The following MRTFB variants were observed in gnomAD, a reference collection of about 807,000 sequenced individuals.
The protein encoded by MRTFB is myocardin related transcription factor B.
In MRTFB, 29 loss-of-function variants were observed where a neutral mutation model predicts 104.2. The observed-to-expected ratio is 0.28, with a 90% confidence interval of 0.21 to 0.38. The LOEUF is 0.38. Among genes scored for constraint, MRTFB ranks in the 10% least tolerant of loss-of-function variants. MRTFB has a pLI of 1.00. For synonymous variants in MRTFB, 535 were observed against 519.5 expected (o/e 1.03, Z -0.41); for missense variants, 1,270 against 1,341.6 (o/e 0.95, Z 0.83).
intron 2 of MRTFB, among the ~76,000 whole-genome samples, chr16:14,130,508 A>G (rs980073466): frequency 2.0e-5 from 3 of 152,218 alleles, no homozygotes; most frequent in Non-Finnish European, 4.4e-5. Flanking sequence ...CTCCATAAAA[A>G]GAAAATTTAT....
At chr16:14,191,368 C>T (rs1484470017) in intron 3 of MRTFB, among the ~76,000 whole-genome samples, 1 of 152,180 alleles carries the variant, frequency 6.6e-6, no homozygotes, top group Non-Finnish European at 1.5e-5. Context: ...CTCTTACAAC[C>T]CAATTCCTGT....
chr16:14,069,393 G>T (rs1344995332), upstream of MRTFB, among the ~76,000 whole-genome samples: 1 of 152,252 alleles, frequency 6.6e-6, no homozygotes, highest in Admixed American at 6.5e-5. Flanking sequence ...CTGCGACTGA[G>T]CTATGTCACC....
At chr16:14,138,564 C>A (rs944340696) in intron 2 of MRTFB, among the ~76,000 whole-genome samples, 3 of 152,110 alleles carry the variant, frequency 2.0e-5, no homozygotes, top group Non-Finnish European at 2.9e-5. Context: ...GTTTGCTGAA[C>A]TCTTGCAAGC....
At chr16:14,070,665 C>T (rs1328245720), upstream of MRTFB, among the ~76,000 whole-genome samples, 1 of 152,260 alleles carries the variant, frequency 6.6e-6, no homozygotes, top group Non-Finnish European at 1.5e-5. Context: ...CCAGGAGCTC[C>T]TCCTCTCACC....
At chr16:14,127,915 ATATATATATATATATTTTTTTT>A (rs2037211219) in intron 2 of MRTFB, among the ~76,000 whole-genome samples, 1 of 48,906 alleles carries the variant, frequency 2.0e-5, no homozygotes, top group African/African-American at 1.0e-4. Context: ...ATATATATAT[ATATATATATATATATTTTTTTT>A]TTTTTTTTTT....
intron 3 of MRTFB, among the ~76,000 whole-genome samples, chr16:14,167,554 T>C (rs2039286413): frequency 6.6e-6 from 1 of 152,230 alleles, no homozygotes; most frequent in Admixed American, 6.5e-5. Flanking sequence ...TTGCTTTTGA[T>C]GTTTTCATTA....
rs1337201598 is a variant in MRTFB at position 14,252,284 on chromosome 16, G to A, written c.2566-81G>A. 21 of 1,552,504 alleles carry A rather than the reference G, an allele frequency of 1.4e-5. No individual in the cohort carries two copies. The East Asian group carries it at 3.6e-4, about 27-fold the overall frequency. On this transcript the variant is annotated intron_variant, in intron 14 of 16. Transcript: ENST00000571589. Reference sequence around the variant, plus strand: ...TTCCCTGATTTGGCCACTACATAGAGAACAGCAGAGCCGAGTCTAGCCAGG... The same window carrying A: ...TTCCCTGATTTGGCCACTACATAGAAAACAGCAGAGCCGAGTCTAGCCAGG...
At chr16:14,247,647 G>A in intron 12 of MRTFB, 140 bp downstream of exon 12, 1 of 714,988 alleles carries the variant, frequency 1.4e-6, no homozygotes, top group Non-Finnish European at 2.3e-6. Flanking sequence ...ATGTGTGAGA[G>A]GGTTATTCAG....
At chr16:14,219,539 ATGTTCT>A (rs2041591380) in intron 8 of MRTFB, among the ~76,000 whole-genome samples, 1 of 152,226 alleles carries the variant, frequency 6.6e-6, no homozygotes. Context: ...TCAGCAGAAA[ATGTTCT>A]TGATAAGCCT....
chr16:14,122,364 C>T (rs1225214865), intron 2 of MRTFB, among the ~76,000 whole-genome samples: 1 of 151,778 alleles, frequency 6.6e-6, no homozygotes, highest in East Asian at 1.9e-4. Flanking sequence ...ATACACGTGC[C>T]ATGGTGGTTT....
rs13333013 is a variant in MRTFB at position 14,173,258 on chromosome 16, G to C, written c.154+32498G>C. On this transcript the variant is annotated intron_variant, in intron 3 of 16. Transcript: ENST00000571589. ...TTGCCTTAGCTCCATTAAAACGCTTGTTGGTGTTTTTACTGGGATTGCACT... is the reference window on the plus strand; with the variant it reads ...TTGCCTTAGCTCCATTAAAACGCTTCTTGGTGTTTTTACTGGGATTGCACT... Among the ~76,000 whole-genome samples, 841 of 152,194 alleles carry C rather than the reference G, an allele frequency of 5.5e-3. 8 individuals are homozygous for C. Among genetic ancestry groups the C allele is most frequent in the African/African-American group, 0.018 (729 of 41,550 alleles).
At position 14,234,295 on chromosome 16, in the gene MRTFB, G is replaced by A. The variant is rs1364706725; in HGVS notation, c.831+12G>A. 3.1e-6 allele frequency: 5 copies of A among 1,612,928 alleles called. No homozygotes were observed. In the South Asian group the frequency reaches 3.3e-5, roughly 11 times the overall value. On this transcript the variant is annotated intron_variant, in intron 9 of 16. Transcript: ENST00000571589. Reference sequence around the variant, plus strand: ...CAGCACTGGTGAAGGTGGGTACTTTGGATACACCCTGGGTTTGGTGGCTTT... The same window carrying A: ...CAGCACTGGTGAAGGTGGGTACTTTAGATACACCCTGGGTTTGGTGGCTTT...
the MRTFB span, among the ~76,000 whole-genome samples, chr16:14,026,289 T>C: frequency 3.3e-5 from 5 of 152,146 alleles, no homozygotes; most frequent in East Asian, 9.7e-4. Context: ...GAATCCAGAA[T>C]CAAAAACACC....
the MRTFB span, among the ~76,000 whole-genome samples, chr16:14,041,151 G>A: frequency 6.6e-6 from 1 of 151,910 alleles, no homozygotes; most frequent in African/African-American, 2.4e-5. Context: ...GGAAGGAGTG[G>A]GGGGCGGGGA....
rs889134905 is a variant in MRTFB at position 14,264,840 on chromosome 16, A to G, written c.*3396A>G. On this transcript the variant is annotated 3_prime_UTR_variant, in exon 17 of 17. Transcript: ENST00000571589. Reference sequence around the variant, plus strand: ...GGGGCGCACTACCTATTTTGTCACCAGAGCTGACTCAGGCTTCCTGGACCC... The same window carrying G: ...GGGGCGCACTACCTATTTTGTCACCGGAGCTGACTCAGGCTTCCTGGACCC... 13 of 152,238 alleles carry G rather than the reference A, an allele frequency of 8.5e-5. No individual in the cohort carries two copies. Among genetic ancestry groups the G allele is most frequent in the African/African-American group, 3.1e-4 (13 of 41,434 alleles). The allele number at this position is 152,238 out of a possible 1,614,324, so 9.4% of individuals were successfully genotyped here.
chr16:14,082,125 C>T (rs1015215988), intron 2 of MRTFB, among the ~76,000 whole-genome samples: 1 of 152,172 alleles, frequency 6.6e-6, no homozygotes, highest in Non-Finnish European at 1.5e-5. Flanking sequence ...AGACCAATGT[C>T]ATGGAACTTT....
intron 2 of MRTFB, among the ~76,000 whole-genome samples, chr16:14,090,607 G>A (rs1232306326): frequency 2.6e-5 from 4 of 152,082 alleles, no homozygotes; most frequent in South Asian, 2.1e-4. Context: ...CTCCTCTTTC[G>A]GGTGAGAATA....
the MRTFB span, among the ~76,000 whole-genome samples, chr16:14,038,016 G>T: frequency 7.2e-5 from 11 of 152,268 alleles, 1 homozygote; most frequent in African/African-American, 2.6e-4. Flanking sequence ...TCCATACCTG[G>T]GCTGTTATTA....
chr16:14,000,150 A>G, the MRTFB span, among the ~76,000 whole-genome samples: 4 of 152,214 alleles, frequency 2.6e-5, no homozygotes, highest in African/African-American at 9.6e-5. Flanking sequence ...TTCAGGATAG[A>G]GATAACAGGG....
Sources: gnomAD v4.1 joint callset for allele counts (sites outside exome capture counted in the v4.1 genomes callset) on GRCh38, gnomAD v4.1.1 for gene constraint, MANE v1.5 for transcripts, NCBI Gene and HGNC (gene_info 2026-07-23, HGNC 2026-07-21) for gene names.